C1orf87: variants seen among roughly 807,000 people sequenced by gnomAD.
C1orf87 encodes the protein uncharacterized protein C1orf87.
C1orf87 carries 58 observed loss-of-function variants against 60.5 expected under a neutral mutation model. The observed-to-expected ratio is 0.96, with a 90% CI of 0.78 to 1.19. C1orf87 has a LOEUF of 1.19. Among genes scored for constraint, C1orf87 ranks in the 50% most tolerant of loss-of-function variants. The pLI, the probability that C1orf87 is intolerant of heterozygous loss-of-function variation, is 0.00. For missense variants in C1orf87, 673 were observed against 638.6 expected (o/e 1.05, Z -0.58); for synonymous variants, 236 against 227.4 (o/e 1.04, Z -0.34).
chr1:60,050,263 G>A (rs908952870), intron 3 of C1orf87, among the ~76,000 whole-genome samples: 1 of 152,000 alleles, frequency 6.6e-6, no homozygotes, highest in Non-Finnish European at 1.5e-5. Context: ...AAAACAGCAT[G>A]CCTTTCCATT....
At position 59,997,660 on chromosome 1, in the gene C1orf87, T is replaced by G. The variant is rs951764141; in HGVS notation, c.1429A>C (p.Arg477=). 1 of 1,613,982 alleles carries G rather than the reference T, an allele frequency of 6.2e-7. No homozygotes were observed. Among genetic ancestry groups the G allele is most frequent in the South Asian group, 1.1e-5 (1 of 91,082 alleles). ...KAEECETWID[R]FRKLENALYL... is the part of the protein sequence containing the mutation. Reference sequence around the variant, plus strand: ...AGGGCATTTTCCAGCTTCCTGAACCTGTCTATCCACGTCTCACATTCCTCA... The same window carrying G: ...AGGGCATTTTCCAGCTTCCTGAACCGGTCTATCCACGTCTCACATTCCTCA... Residue 477 remains arginine, a synonymous_variant, in exon 11 of 12, where the codon AGG becomes CGG. Transcript: ENST00000371201.
chr1:60,009,328 G>A (rs1645066701), intron 9 of C1orf87, among the ~76,000 whole-genome samples: 1 of 123,678 alleles, frequency 8.1e-6, no homozygotes, highest in African/African-American at 2.7e-5. Flanking sequence ...GCTGAAACCG[G>A]CAAGAAAGAA....
chr1:60,033,558 T>C lies in C1orf87; in HGVS notation c.947A>G (p.Asn316Ser). 5.0e-6 allele frequency: 8 copies of C among 1,613,876 alleles called. No homozygotes were observed. The highest frequency in any genetic ancestry group is 1.1e-5 in the South Asian group (1 of 90,960). ...GAGATTGTCTATGTTGAGTCTGCCA[T>C]TGGTTGTCCTTAGTGCCATCTTCAA... is the stretch of plus-strand genomic sequence containing the variant. ...EILKMALRTT[N>S]GRLNIDNLNL... Residue 316 changes from asparagine to serine, a missense_variant, in exon 7 of 12, where the codon AAT becomes AGT. Transcript: ENST00000371201.
At chr1:60,016,570 G>T (rs970672226) in intron 8 of C1orf87, among the ~76,000 whole-genome samples, 5 of 152,112 alleles carry the variant, frequency 3.3e-5, no homozygotes, top group African/African-American at 4.8e-5. Context: ...TTTCCCTTTT[G>T]ACAGATGGGA....
intron 6 of C1orf87, among the ~76,000 whole-genome samples, chr1:60,036,706 G>A (rs1285998491): frequency 6.6e-6 from 1 of 152,130 alleles, no homozygotes; most frequent in Non-Finnish European, 1.5e-5. Flanking sequence ...TGGAGGCTAT[G>A]CTCCTAACCA....
At chr1:60,025,211 A>G (rs551890902) in intron 8 of C1orf87, among the ~76,000 whole-genome samples, 190 bp downstream of exon 8, 1 of 152,298 alleles carries the variant, frequency 6.6e-6, no homozygotes, top group Admixed American at 6.5e-5. Flanking sequence ...GGAAACTCTT[A>G]TGTCTGTTCC....
At chr1:60,035,245 C>T (rs977645212) in intron 6 of C1orf87, among the ~76,000 whole-genome samples, 1 of 152,152 alleles carries the variant, frequency 6.6e-6, no homozygotes, top group African/African-American at 2.4e-5. Context: ...AATCATAAGT[C>T]TTCCTTCCTC....
In C1orf87 at chr1:59,990,793, G is replaced by A. The variant is rs927420550; in HGVS notation, c.1521C>T (p.Asn507=). The A allele has an allele frequency of 2.5e-6, 4 of 1,614,106 alleles. No homozygotes were observed. Among genetic ancestry groups the A allele is most frequent in the Non-Finnish European group, 2.5e-6 (3 of 1,179,966 alleles). ...EKERARRLIH[N]YNLIYNLSLS... is the part of the protein sequence containing the mutation. ...GGGACAGGTTGTAAATGAGATTGTAGTTGTGAATGAGGCGTCTGGCTCGTT... is the reference window on the plus strand; with the variant it reads ...GGGACAGGTTGTAAATGAGATTGTAATTGTGAATGAGGCGTCTGGCTCGTT... The change falls in exon 12 of 12, where the codon AAC becomes AAT. Residue 507 remains asparagine (N), a synonymous_variant. Coordinates refer to ENST00000371201, the MANE Select transcript of C1orf87 (RefSeq NM_152377.3).
chr1:60,064,292 T>C (rs1179625900), intron 2 of C1orf87, among the ~76,000 whole-genome samples: 1 of 129,656 alleles, frequency 7.7e-6, no homozygotes, highest in African/African-American at 3.0e-5. Context: ...ATATATTATA[T>C]ATATATTTTA....
At chr1:60,021,069 G>A (rs907524312) in intron 8 of C1orf87, among the ~76,000 whole-genome samples, 2 of 152,032 alleles carry the variant, frequency 1.3e-5, no homozygotes, top group African/African-American at 4.8e-5. Context: ...CTCCTGCTTT[G>A]CCATGGTAAG....
chr1:60,066,648 C>T (rs1251568066), intron 2 of C1orf87, among the ~76,000 whole-genome samples: 1 of 151,936 alleles, frequency 6.6e-6, no homozygotes, highest in Non-Finnish European at 1.5e-5. Flanking sequence ...GTTAATGTTG[C>T]TATTTTGACA....
intron 2 of C1orf87, among the ~76,000 whole-genome samples, chr1:60,062,082 T>C (rs377548493): frequency 6.6e-5 from 10 of 152,286 alleles, no homozygotes; most frequent in African/African-American, 2.4e-4. Flanking sequence ...TCACTGCTTT[T>C]CTCAAGATGG....
chr1:60,052,742 T>C (rs1319743747), intron 3 of C1orf87, among the ~76,000 whole-genome samples: 3 of 152,218 alleles, frequency 2.0e-5, no homozygotes, highest in African/African-American at 7.2e-5. Context: ...TTTTCATCTA[T>C]GTGTGAGTGA....
intron 11 of C1orf87, among the ~76,000 whole-genome samples, chr1:59,994,182 A>G (rs1326023679): frequency 1.3e-5 from 2 of 152,078 alleles, no homozygotes; most frequent in African/African-American, 4.8e-5. Flanking sequence ...TACTTTGTAG[A>G]TGAGGAAACA....
intron 7 of C1orf87, among the ~76,000 whole-genome samples, chr1:60,029,377 G>A (rs750736041): frequency 1.3e-5 from 2 of 152,012 alleles, no homozygotes; most frequent in East Asian, 3.9e-4. Flanking sequence ...CTCCAAATTC[G>A]ATTGGAATGC....
At chr1:60,056,248 TA>T (rs1645455915) in intron 2 of C1orf87, among the ~76,000 whole-genome samples, 1 of 151,576 alleles carries the variant, frequency 6.6e-6, no homozygotes, top group African/African-American at 2.4e-5. Flanking sequence ...AAATAAAAAA[TA>T]AAAAAATAAT....
In C1orf87 at chr1:60,017,756, G is replaced by C. The variant is rs529563733; in HGVS notation, c.1128-7300C>G. ...TTTTACATAAGGGTGATTCAGAGTAGAGATTTGAAATCGTAATCAAGTCTT... is the reference window on the plus strand; with the variant it reads ...TTTTACATAAGGGTGATTCAGAGTACAGATTTGAAATCGTAATCAAGTCTT... On this transcript the variant is annotated intron_variant, in intron 8 of 11. Coordinates refer to ENST00000371201, the MANE Select transcript of C1orf87 (RefSeq NM_152377.3). Among the ~76,000 whole-genome samples, 5 of 152,268 alleles carry C rather than the reference G, an allele frequency of 3.3e-5. No homozygotes were observed. The East Asian group carries it at 9.6e-4, about 29-fold the overall frequency.
intron 11 of C1orf87, among the ~76,000 whole-genome samples, chr1:59,996,413 A>T (rs1024358576): frequency 2.5e-4 from 38 of 152,206 alleles, no homozygotes; most frequent in African/African-American, 9.1e-4. Context: ...GCACATAGTC[A>T]TCAAGGATCC....
At chr1:60,047,039 T>C (rs949208828) in intron 3 of C1orf87, among the ~76,000 whole-genome samples, 1 of 152,206 alleles carries the variant, frequency 6.6e-6, no homozygotes, top group Non-Finnish European at 1.5e-5. Context: ...TTACAGGCAG[T>C]CATATGCATT....
Sources: allele counts gnomAD v4.1 joint callset (sites outside exome capture counted in the v4.1 genomes callset), GRCh38; gene constraint gnomAD v4.1.1; transcripts MANE v1.5; gene names NCBI Gene and HGNC (gene_info 2026-07-23, HGNC 2026-07-21).